The following RTEL1 variants were observed in gnomAD, a reference collection of about 807,000 sequenced individuals.
The protein encoded by RTEL1 is regulator of telomere elongation helicase 1.
RTEL1 carries 86 observed loss-of-function variants against 162.2 expected under a neutral mutation model. The ratio of observed to expected loss-of-function variants is 0.53; its 90% CI spans 0.45 to 0.63. The LOEUF (loss-of-function observed/expected upper bound fraction) is 0.63, where lower values mean the gene tolerates loss of function less well. Ranked by LOEUF, RTEL1 falls within the 30% of genes least tolerant of loss-of-function variation. RTEL1 has a pLI of 0.00. For missense variants in RTEL1, 1,941 were observed against 1,750.2 expected (o/e 1.11, Z -1.95); for synonymous variants, 958 against 717.9 (o/e 1.33, Z -5.35).
Position 63,695,441 on chromosome 20 carries a change from T to G in RTEL1, c.3613T>G (p.Ser1205Ala). The G allele has an allele frequency of 6.3e-7, 1 of 1,577,378 alleles. No homozygotes were observed. The highest frequency in any genetic ancestry group is 8.6e-7 in the Non-Finnish European group (1 of 1,160,692). ...AGGEDAGPSQSSGPPHGPAAS... is the reference protein window; with the variant it reads ...AGGEDAGPSQASGPPHGPAAS... The stretch of plus-strand genomic sequence containing the variant: ...CGGTGAGGATGCAGGTCCCAGCCAG[T>G]CCTCAGGACCTCCCCACGGGCCTGC... The change falls in exon 34 of 35, where the codon TCC (serine) becomes GCC (alanine). Residue 1205 changes from serine to alanine, a missense_variant. Physicochemically the swap from Ser to Ala is moderately conservative, Grantham distance 99. Coordinates refer to ENST00000360203, the MANE Select transcript of RTEL1 (RefSeq NM_001283009.2).
In RTEL1 at chr20:63,694,978, A is replaced by G. The variant is rs1311704494; in HGVS notation, c.3343+4A>G. 1.2e-6 allele frequency: 2 copies of G among 1,611,924 alleles called. No individual in the cohort carries two copies. Among genetic ancestry groups the G allele is most frequent in the Non-Finnish European group, 1.7e-6 (2 of 1,179,478 alleles). On this transcript the variant is annotated splice_donor_region_variant and intron_variant, in intron 32 of 34. Transcript: ENST00000360203. ...GAGGACTTCCCCCTGCTGCACAGCA[A>G]GTGGCCCTGGCGTGGGGAACAGCCG...
chr20:63,685,681 GGCCACCTCCAGGA>G, intron 15 of RTEL1, 84 bp downstream of exon 15: 1 of 1,586,168 alleles, frequency 6.3e-7, no homozygotes, highest in Non-Finnish European at 8.6e-7. Context: ...ATAAGGTGGG[GGCCACCTCCAGGA>G]GGCAGGTGGG....
Position 63,694,445 on chromosome 20 carries a change from G to C in RTEL1, c.3066G>C (p.Leu1022=). The C allele has an allele frequency of 1.9e-6, 3 of 1,611,550 alleles. No homozygotes were observed. Among genetic ancestry groups the C allele is most frequent in the Non-Finnish European group, 2.5e-6 (3 of 1,178,974 alleles). The change falls in exon 31 of 35, where the codon CTG becomes CTC. Residue 1022 remains leucine (L), a synonymous_variant. Transcript: ENST00000360203. The stretch of plus-strand genomic sequence containing the variant: ...AGCAGCTGGACCCCCAAGAGCACCT[G>C]AACCAGGGCAGGCCCCACCTGTCGC... The part of the protein sequence containing the change: ...AAQQLDPQEH[L]NQGRPHLSPR...
chr20:63,660,428 G>A (rs979710770), intron 2 of RTEL1, among the ~76,000 whole-genome samples: 11 of 152,322 alleles, frequency 7.2e-5, no homozygotes, highest in African/African-American at 2.4e-4. Flanking sequence ...GGAGAATGGC[G>A]ATGACTTTTA....
At chr20:63,689,363 G>T in intron 22 of RTEL1, 139 bp from the exon 23 acceptor site, 1 of 1,038,856 alleles carries the variant, frequency 9.6e-7, no homozygotes, top group Non-Finnish European at 1.4e-6. Flanking sequence ...TGGACCCCAA[G>T]TGGGGTCCTG....
chr20:63,664,566 C>G (rs1435353259), intron 6 of RTEL1, among the ~76,000 whole-genome samples: 1 of 152,216 alleles, frequency 6.6e-6, no homozygotes, highest in Non-Finnish European at 1.5e-5. Context: ...CCTGTGGACT[C>G]AGACCAGGAA....
intron 30 of RTEL1, 81 bp from the exon 31 acceptor site, chr20:63,694,291 C>T (rs1305412452): frequency 3.4e-6 from 4 of 1,161,226 alleles, no homozygotes; most frequent in East Asian, 4.7e-5. Context: ...GCCTGGCCTC[C>T]CTAGCCAGCC....
rs3208007 is a variant in RTEL1 at position 63,690,935 on chromosome 20, T to C, written c.2544T>C (p.Pro848=). The change falls in exon 27 of 35, where the codon CCT becomes CCC. Residue 848 remains proline (P), a synonymous_variant. Coordinates refer to ENST00000360203, the MANE Select transcript of RTEL1 (RefSeq NM_001283009.2). ...ACAGCGAACAGCGGGCGGGGAGCCC[T>C]GGCGAGGAGCAGGTACAGTTCCAGG... ...LEHSEQRAGS[P]GEEQAHSCST... 1,181,912 of 1,553,268 alleles carry C rather than the reference T, an allele frequency of 0.76. 456,312 individuals carry two copies. The highest frequency in any genetic ancestry group is 0.94 in the African/African-American group (69,348 of 73,504).
At chr20:63,672,422 C>T (rs1262042555) in intron 8 of RTEL1, 134 bp from the exon 9 acceptor site, 1 of 733,708 alleles carries the variant, frequency 1.4e-6, no homozygotes, top group Non-Finnish European at 2.4e-6. Context: ...CAGGTCTGGC[C>T]TCTGCTCTCG....
chr20:63,694,811 G>A lies in RTEL1; in HGVS notation c.3180G>A (p.Val1060=), dbSNP rs2090929477. 1.9e-6 allele frequency: 3 copies of A among 1,612,452 alleles called. No homozygotes were observed. The highest frequency in any genetic ancestry group is 2.5e-6 in the Non-Finnish European group (3 of 1,179,782). The change falls in exon 32 of 35, where the codon GTG becomes GTA. Residue 1060 remains valine, a synonymous_variant. Coordinates refer to ENST00000360203, the MANE Select transcript of RTEL1 (RefSeq NM_001283009.2). ...CAGGGAAGCAGGGCCAGCACGCCGT[G>A]AGCGCCTACCTGGCTGATGCCCGCA... ...PRAGKQGQHA[V]SAYLADARRA...
In RTEL1 at chr20:63,690,931, G is replaced by GC. The variant is rs1221040420; in HGVS notation, c.2543dup (p.Gly849TrpfsTer16). ...GAGCACAGCGAACAGCGGGCGGGGA[G>GC]CCCTGGCGAGGAGCAGGTACAGTTC... On this transcript the variant is annotated frameshift_variant, in exon 27 of 35. Coordinates refer to ENST00000360203, the MANE Select transcript of RTEL1 (RefSeq NM_001283009.2). LOFTEE classifies it high-confidence loss of function. 6.4e-7 allele frequency: 1 copy of GC among 1,554,584 alleles called. No individual in the cohort carries two copies. Among genetic ancestry groups the GC allele is most frequent in the Non-Finnish European group, 8.7e-7 (1 of 1,149,736 alleles).
Position 63,659,334 on chromosome 20 carries a change from G to GT in RTEL1, c.-63dup. The GT allele has an allele frequency of 8.6e-7, 1 of 1,166,550 alleles. No individual in the cohort carries two copies. Among genetic ancestry groups the GT allele is most frequent in the Non-Finnish European group, 1.3e-6 (1 of 776,000 alleles). The allele number at this position is 1,166,550 out of a possible 1,614,324, so 72.3% of individuals were successfully genotyped here. A position where few individuals can be genotyped will look rare whatever the true frequency, so the allele number is the denominator to read the frequency against. On this transcript the variant is annotated 5_prime_UTR_variant, in exon 2 of 35. The change abolishes the stop of an existing upstream ORF in the 5' untranslated region. Coordinates refer to ENST00000360203, the MANE Select transcript of RTEL1 (RefSeq NM_001283009.2). ...CCGAGACCCTAAGATGTTCGGAGTG[G>GT]TTTTTTCGCACAGACCCGAATAGCC...
Position 63,688,602 on chromosome 20 carries a change from C to T in RTEL1, c.1797C>T (p.Ser599=), listed in dbSNP as rs775716486. 30 of 1,606,322 alleles carry T rather than the reference C, an allele frequency of 1.9e-5. No individual in the cohort carries two copies. The highest frequency in any genetic ancestry group is 6.7e-5 in the East Asian group (3 of 44,694). The part of the protein sequence containing the change: ...FVEPRSKGSF[S]ETISAYYARV... ...AGCCCAGGAGCAAAGGCAGCTTCTC[C>T]GAGGTCGGCACTTGGCCGGGGCTCT... is the stretch of plus-strand genomic sequence containing the variant. The change falls in exon 21 of 35, where the codon TCC becomes TCT. Residue 599 remains serine (S), a synonymous_variant. Coordinates refer to ENST00000360203, the MANE Select transcript of RTEL1 (RefSeq NM_001283009.2).
At chr20:63,688,110 G>A (rs1240853391) in intron 18 of RTEL1, 29 bp from the exon 19 acceptor site, 1 of 1,612,416 alleles carries the variant, frequency 6.2e-7, no homozygotes, top group Non-Finnish European at 8.5e-7. Flanking sequence ...GAGGCCTGAG[G>A]TCCTGAGCAG....
rs1320301703 is a variant in RTEL1, at chr20:63,680,668, T to C, written c.1140T>C (p.Ala380=). 1.1e-5 allele frequency: 17 copies of C among 1,613,086 alleles called. No individual in the cohort carries two copies. The highest frequency in any genetic ancestry group is 1.4e-5 in the Non-Finnish European group (16 of 1,179,984). Residue 380 remains alanine (A), a synonymous_variant, in exon 14 of 35, where the codon GCT becomes GCC. Transcript: ENST00000360203. ...CAGCGCCCTGCTGCCCTCCAGGTGC[T>C]GGAGTGTTCACCAACACGGCCGGAC... ...DQIIQHLAGR[A]GVFTNTAGLQ...
chr20:63,691,230 A>C (rs1211301284), intron 27 of RTEL1, among the ~76,000 whole-genome samples: 4 of 151,372 alleles, frequency 2.6e-5, no homozygotes, highest in African/African-American at 9.7e-5. Context: ...GGCTCAGTGC[A>C]CTCAAGGTCG....
At chr20:63,682,098 C>T in intron 14 of RTEL1, 5 of 985,458 alleles carry the variant, frequency 5.1e-6, no homozygotes, top group Non-Finnish European at 6.0e-6. Context: ...GGGCCTGTCC[C>T]TCCCTGGAAT....
chr20:63,688,289 C>T lies in RTEL1; in HGVS notation c.1637-12C>T. Reference sequence around the variant, plus strand: ...CCTGCCCCTGCCTTGACCCCGGCCCCTGCACTTCCAGGCAACATCGCCCGC... The same window carrying T: ...CCTGCCCCTGCCTTGACCCCGGCCCTTGCACTTCCAGGCAACATCGCCCGC... On this transcript the variant is annotated splice_polypyrimidine_tract_variant and intron_variant, in intron 19 of 34. Coordinates refer to ENST00000360203, the MANE Select transcript of RTEL1 (RefSeq NM_001283009.2). 1.2e-6 allele frequency: 2 copies of T among 1,611,788 alleles called. No individual in the cohort carries two copies. Among genetic ancestry groups the T allele is most frequent in the Non-Finnish European group, 8.5e-7 (1 of 1,179,868 alleles).
chr20:63,664,702 C>T (rs1401804080), intron 6 of RTEL1, among the ~76,000 whole-genome samples: 3 of 152,220 alleles, frequency 2.0e-5, no homozygotes, highest in African/African-American at 4.8e-5. Context: ...GGGGTGTCTG[C>T]AGCACCTGCA....
Sources: allele counts gnomAD v4.1 joint callset (sites outside exome capture counted in the v4.1 genomes callset), GRCh38; gene constraint gnomAD v4.1.1; transcripts MANE v1.5; gene names NCBI Gene and HGNC (gene_info 2026-07-23, HGNC 2026-07-21).